The following CALN1 variants were observed in gnomAD, a reference collection of about 807,000 sequenced individuals.
The protein encoded by CALN1 is calneuron 1.
A neutral mutation model predicts 30.6 loss-of-function variants in CALN1; 17 were observed. The ratio of observed to expected loss-of-function variants is 0.56; its 90% CI spans 0.38 to 0.83. The LOEUF (loss-of-function observed/expected upper bound fraction) is 0.83. Among genes scored for constraint, CALN1 ranks in the 40% least tolerant of loss-of-function variants. CALN1 has a pLI of 0.00. For synonymous variants in CALN1, 156 were observed against 131.4 expected, an observed-to-expected ratio of 1.19 and a Z score of -1.28; for missense variants, 291 against 354.9, an observed-to-expected ratio of 0.82 and a Z score of 1.45.
chr7:72,154,468 A>G (rs1787504551), intron 3 of CALN1, among the ~76,000 whole-genome samples: 1 of 152,196 alleles, frequency 6.6e-6, no homozygotes, highest in South Asian at 2.1e-4. Context: ...ATAAAAGCAG[A>G]AGGTAAACTC....
chr7:71,835,290 TC>T (rs1387583900), intron 5 of CALN1, among the ~76,000 whole-genome samples: 1 of 152,230 alleles, frequency 6.6e-6, no homozygotes, highest in Non-Finnish European at 1.5e-5. Context: ...AAGTCACACT[TC>T]CTTCTGTTTG....
chr7:72,124,525 G>T (rs1223048986), intron 3 of CALN1, among the ~76,000 whole-genome samples: 4 of 152,014 alleles, frequency 2.6e-5, no homozygotes, highest in African/African-American at 9.7e-5. Flanking sequence ...ATAACTGCGT[G>T]CCTGTAGTCC....
intron 2 of CALN1, among the ~76,000 whole-genome samples, chr7:72,334,878 C>G (rs1801907742): frequency 6.6e-6 from 1 of 152,224 alleles, no homozygotes; most frequent in East Asian, 1.9e-4. Context: ...GAAAAACCCA[C>G]ACGTCTGCAG....
intron 3 of CALN1, among the ~76,000 whole-genome samples, chr7:72,197,446 T>TG (rs1791109499): frequency 6.6e-6 from 1 of 152,070 alleles, no homozygotes; most frequent in South Asian, 2.1e-4. Context: ...GTGATCCATC[T>TG]GCCTTGGCCT....
intron 5 of CALN1, among the ~76,000 whole-genome samples, chr7:71,923,288 T>C (rs978289351): frequency 1.3e-5 from 2 of 152,206 alleles, no homozygotes; most frequent in African/African-American, 4.8e-5. Flanking sequence ...GCTCTGTTGA[T>C]GCTTGCTTTC....
At chr7:72,262,811 C>A (rs1472012238) in intron 3 of CALN1, among the ~76,000 whole-genome samples, 3 of 152,194 alleles carry the variant, frequency 2.0e-5, no homozygotes, top group Admixed American at 2.0e-4. Context: ...TCCCTCTCCT[C>A]TCTCTGGCAA....
At chr7:72,138,165 A>G (rs982038957) in intron 3 of CALN1, among the ~76,000 whole-genome samples, 1 of 152,246 alleles carries the variant, frequency 6.6e-6, no homozygotes, top group Non-Finnish European at 1.5e-5. Context: ...TATGTGTAAT[A>G]TGGCTTAACC....
upstream of CALN1, among the ~76,000 whole-genome samples, chr7:72,416,683 C>T (rs1463182115): frequency 1.4e-5 from 2 of 145,554 alleles, no homozygotes; most frequent in East Asian, 4.1e-4. Context: ...TGCAGTGAGC[C>T]GAGATCGCGT....
At chr7:72,367,844 T>C (rs1277767973) in intron 2 of CALN1, among the ~76,000 whole-genome samples, 2 of 151,390 alleles carry the variant, frequency 1.3e-5, no homozygotes, top group African/African-American at 2.4e-5. Context: ...GTTAAAAATA[T>C]ATATATAGGC....
chr7:72,238,678 G>A (rs1052028191), intron 3 of CALN1, among the ~76,000 whole-genome samples: 1 of 152,020 alleles, frequency 6.6e-6, no homozygotes, highest in Non-Finnish European at 1.5e-5. Flanking sequence ...GTTTTTTAAG[G>A]GGCTTTTCCC....
In CALN1 at chr7:72,403,419, A is replaced by C. The variant is rs1310508238; in HGVS notation, c.-50T>G. 6.9e-7 allele frequency: 1 copy of C among 1,440,694 alleles called. No individual in the cohort carries two copies. Among genetic ancestry groups the C allele is most frequent in the South Asian group, 1.2e-5 (1 of 80,052 alleles). The allele number at this position is 1,440,694 out of a possible 1,614,324, so 89.2% of individuals were successfully genotyped here. On this transcript the variant is annotated 5_prime_UTR_variant, in exon 2 of 7. Coordinates refer to ENST00000395275, the MANE Select transcript of CALN1 (RefSeq NM_031468.4). ...GAGAGAGTTAGAAGCTCATCAAAGG[A>C]ACGTCAGCGAAGGCACTGAGACTCT...
chr7:72,392,509 G>A (rs927870878), intron 2 of CALN1, among the ~76,000 whole-genome samples: 20 of 152,144 alleles, frequency 1.3e-4, no homozygotes, highest in African/African-American at 4.8e-4. Context: ...AGGACTGAAG[G>A]TCAACTTGTG....
At chr7:72,367,800 A>G (rs1803962985) in intron 2 of CALN1, among the ~76,000 whole-genome samples, 1 of 152,064 alleles carries the variant, frequency 6.6e-6, no homozygotes, top group African/African-American at 2.4e-5. Context: ...GCACCAATGC[A>G]CTCCAGCCCA....
chr7:72,344,474 C>T (rs993583081), intron 2 of CALN1, among the ~76,000 whole-genome samples: 5 of 150,882 alleles, frequency 3.3e-5, no homozygotes, highest in African/African-American at 7.3e-5. Flanking sequence ...TATATGGGAT[C>T]CGTGTACACA....
At chr7:72,256,349 AC>A (rs1795910963) in intron 3 of CALN1, among the ~76,000 whole-genome samples, 1 of 152,066 alleles carries the variant, frequency 6.6e-6, no homozygotes. Flanking sequence ...GGTCCCAGCT[AC>A]TTGGGAGGCT....
At chr7:72,330,590 A>T (rs935642732) in intron 2 of CALN1, among the ~76,000 whole-genome samples, 2 of 152,106 alleles carry the variant, frequency 1.3e-5, no homozygotes, top group Non-Finnish European at 2.9e-5. Context: ...GTCTTACACC[A>T]CTAGACTATA....
intron 3 of CALN1, among the ~76,000 whole-genome samples, chr7:72,168,962 C>T (rs528168052): frequency 1.3e-5 from 2 of 151,852 alleles, no homozygotes; most frequent in East Asian, 1.9e-4. Flanking sequence ...CCCCCCAACA[C>T]GCTCAGCTAA....
intron 1 of CALN1, among the ~76,000 whole-genome samples, chr7:72,429,090 G>A (rs1807891760): frequency 6.6e-6 from 1 of 152,172 alleles, no homozygotes; most frequent in South Asian, 2.1e-4. Context: ...AGAACCCTTA[G>A]TCTGCCCAAT....
At chr7:72,422,522 G>A (rs541773492) in intron 1 of CALN1, among the ~76,000 whole-genome samples, 1 of 152,268 alleles carries the variant, frequency 6.6e-6, no homozygotes, top group South Asian at 2.1e-4. Context: ...ACCATCCTCT[G>A]CAGAGGGGAG....
Sources: gnomAD v4.1 joint callset for allele counts (sites outside exome capture counted in the v4.1 genomes callset) on GRCh38, gnomAD v4.1.1 for gene constraint, MANE v1.5 for transcripts, NCBI Gene and HGNC (gene_info 2026-07-23, HGNC 2026-07-21) for gene names.